The following KAZN variants were observed in gnomAD, a reference collection of about 807,000 sequenced individuals.
KAZN encodes the protein kazrin, periplakin interacting protein, also known as kazrin.
In KAZN, 40 loss-of-function variants were observed where a neutral mutation model predicts 87.4. That is an observed-to-expected ratio of 0.46 (90% CI 0.36 to 0.60). KAZN has a LOEUF of 0.60. KAZN is among the 20% of genes least tolerant of loss of function. KAZN has a pLI of 0.00. For missense variants in KAZN, 898 were observed against 1,073.9 expected (o/e 0.84, Z 2.29); for synonymous variants, 466 against 458.3 (o/e 1.02, Z -0.22).
At chr1:14,603,055 C>T (rs556552667) in intron 1 of KAZN, among the ~76,000 whole-genome samples, 30 of 152,324 alleles carry the variant, frequency 2.0e-4, no homozygotes, top group Non-Finnish European at 3.8e-4. Flanking sequence ...TCTACCATTA[C>T]TACAACACTG....
chr1:14,097,547 A>G (rs939380847), intron 1 of KAZN, among the ~76,000 whole-genome samples: 3 of 152,138 alleles, frequency 2.0e-5, no homozygotes, highest in Non-Finnish European at 4.4e-5. Flanking sequence ...CCTGAAAGGC[A>G]TTGTATTCGT....
chr1:14,951,079 A>T (rs1330989463), intron 1 of KAZN, among the ~76,000 whole-genome samples: 1 of 152,214 alleles, frequency 6.6e-6, no homozygotes, highest in Non-Finnish European at 1.5e-5. Flanking sequence ...TGAAGATTTC[A>T]GTCAATCTCA....
intron 1 of KAZN, among the ~76,000 whole-genome samples, chr1:13,926,997 C>T (rs150191585): frequency 2.6e-5 from 4 of 152,310 alleles, no homozygotes; most frequent in East Asian, 1.9e-4. Context: ...CCATGTCACT[C>T]GGCCCTTTGT....
intron 1 of KAZN, among the ~76,000 whole-genome samples, chr1:13,937,260 G>A (rs759674383): frequency 6.6e-6 from 1 of 152,140 alleles, no homozygotes; most frequent in Non-Finnish European, 1.5e-5. Context: ...TAGTCAGGCT[G>A]GTCTTGAACT....
chr1:14,046,923 CAATCCTGT>C (rs1642101406), intron 1 of KAZN, among the ~76,000 whole-genome samples: 1 of 152,162 alleles, frequency 6.6e-6, no homozygotes, highest in African/African-American at 2.4e-5. Flanking sequence ...AATCGGAAGG[CAATCCTGT>C]AATCTTATGG....
chr1:13,907,416 C>A (rs1639482298), intron 1 of KAZN, among the ~76,000 whole-genome samples: 1 of 151,944 alleles, frequency 6.6e-6, no homozygotes, highest in African/African-American at 2.4e-5. Context: ...GAGAAGACCC[C>A]AGCCCCGGGG....
chr1:13,918,397 G>T (rs1438478734), intron 1 of KAZN, among the ~76,000 whole-genome samples: 2 of 152,230 alleles, frequency 1.3e-5, no homozygotes, highest in African/African-American at 4.8e-5. Context: ...AGTGGAGTCA[G>T]ATTATGTTGA....
chr1:15,049,103 G>GA (rs779712672), intron 4 of KAZN, among the ~76,000 whole-genome samples: 8 of 152,112 alleles, frequency 5.3e-5, no homozygotes, highest in Non-Finnish European at 7.3e-5. Flanking sequence ...GGCTTTGCCG[G>GA]GAGGCTTTTG....
At chr1:14,809,300 G>A (rs911989435) in intron 1 of KAZN, among the ~76,000 whole-genome samples, 4 of 152,222 alleles carry the variant, frequency 2.6e-5, no homozygotes, top group African/African-American at 9.6e-5. Flanking sequence ...AGAGGCTGGT[G>A]AGGTGAGGGG....
intron 1 of KAZN, among the ~76,000 whole-genome samples, chr1:14,716,406 A>G (rs1318383471): frequency 6.6e-6 from 1 of 152,216 alleles, no homozygotes. Context: ...ACTTGAGGGC[A>G]TGCAGTCAGT....
rs140128882 is a variant in KAZN at position 14,854,423 on chromosome 1, T to C, written c.227-106261T>C. 2.8e-3 allele frequency among the ~76,000 whole-genome samples: 433 copies of C among 152,302 alleles called. 3 individuals carry two copies. Among genetic ancestry groups the C allele is most frequent in the African/African-American group, 9.0e-3 (373 of 41,550 alleles). On this transcript the variant is annotated intron_variant, in intron 1 of 14. Transcript: ENST00000376030. ...GTAGTTTATACAGAAAAGAGGTTTA[T>C]TTAGCTCATGGTTTTGCAGGCTGAG...
intron 2 of KAZN, among the ~76,000 whole-genome samples, chr1:14,232,199 CTTA>C (rs1229191167): frequency 6.6e-6 from 1 of 152,140 alleles, no homozygotes; most frequent in Non-Finnish European, 1.5e-5. Context: ...CCAGGTGACT[CTTA>C]TTATAGTCAA....
chr1:14,904,824 C>T (rs566410696), intron 1 of KAZN, among the ~76,000 whole-genome samples: 5 of 151,604 alleles, frequency 3.3e-5, no homozygotes, highest in African/African-American at 1.2e-4. Flanking sequence ...TGCAGTGGTG[C>T]GATCTCCACT....
At chr1:13,968,522 G>T (rs568726622) in intron 1 of KAZN, among the ~76,000 whole-genome samples, 1 of 152,112 alleles carries the variant, frequency 6.6e-6, no homozygotes, top group Non-Finnish European at 1.5e-5. Context: ...AACTCCTCAC[G>T]TGACGGGTCT....
rs970647417 is a variant in KAZN, at chr1:14,577,365, A to G, written c.250-21618A>G. On this transcript the variant is annotated intron_variant, in intron 2 of 16. Transcript: ENST00000636203. ...CTCATTGGATTGCGGTAATTCATTA[A>G]GCCAATAGTGGCTTTAATAAATCTG... Among the ~76,000 whole-genome samples, 25 of 152,234 alleles carry G rather than the reference A, an allele frequency of 1.6e-4. 1 individual carries two copies. The highest frequency in any genetic ancestry group is 1.3e-4 in the Admixed American group (2 of 15,280).
chr1:13,912,061 T>C (rs1333309858), intron 1 of KAZN, among the ~76,000 whole-genome samples: 1 of 152,192 alleles, frequency 6.6e-6, no homozygotes, highest in African/African-American at 2.4e-5. Flanking sequence ...GTAGGCACTA[T>C]GAAGGTTATA....
intron 2 of KAZN, among the ~76,000 whole-genome samples, chr1:14,516,773 T>C (rs1671320889): frequency 6.6e-6 from 1 of 152,204 alleles, no homozygotes; most frequent in Non-Finnish European, 1.5e-5. Context: ...TTGGTTCCTG[T>C]CCTTTTCCCA....
At chr1:14,102,059 AGGTCTTGGTATTATCAAGTG>A (rs1330446138) in intron 1 of KAZN, among the ~76,000 whole-genome samples, 1 of 152,154 alleles carries the variant, frequency 6.6e-6, no homozygotes, top group Non-Finnish European at 1.5e-5. Context: ...TCAGTGAGTG[AGGTCTTGGTATTATCAAGTG>A]GGATATTATT....
rs1288020042 is a variant in KAZN, at chr1:15,099,501, G to A, written c.1548-2042G>A. On this transcript the variant is annotated intron_variant, in intron 10 of 14. Transcript: ENST00000376030. The surrounding 1 kb of genome is among the most constrained non-coding windows in gnomAD (Gnocchi z 5.4). ...GATTTGACGCCCAAGGGATGAGGAG[G>A]GGTGAGCCCTGGGCAGGGTTGCAAG... Among the ~76,000 whole-genome samples the A allele has an allele frequency of 1.3e-5, 2 of 152,142 alleles. No homozygotes were observed. The highest frequency in any genetic ancestry group is 2.9e-5 in the Non-Finnish European group (2 of 68,022).
Sources: gnomAD v4.1 joint callset for allele counts (sites outside exome capture counted in the v4.1 genomes callset) on GRCh38, gnomAD v4.1.1 for gene constraint, Gnocchi (gnomAD v3.1) non-coding constraint, MANE v1.5 for transcripts, NCBI Gene and HGNC (gene_info 2026-07-23, HGNC 2026-07-21) for gene names.